KSR1: variants seen among roughly 807,000 people sequenced by gnomAD.
KSR1 encodes kinase suppressor of ras 1.
A neutral mutation model predicts 92.9 loss-of-function variants in KSR1; 35 were observed. The ratio of observed to expected loss-of-function variants is 0.38; its 90% CI spans 0.29 to 0.50. KSR1 has a LOEUF of 0.50. Ranked by LOEUF, KSR1 falls within the 20% of genes least tolerant of loss-of-function variation. The pLI is 0.94. For synonymous variants in KSR1, 467 were observed against 472.6 expected, an observed-to-expected ratio of 0.99 and a Z score of 0.15; for missense variants, 972 against 1,158.5, an observed-to-expected ratio of 0.84 and a Z score of 2.34.
At chr17:27,575,123 G>C (rs967883163) in intron 2 of KSR1, among the ~76,000 whole-genome samples, 1 of 152,218 alleles carries the variant, frequency 6.6e-6, no homozygotes, top group Non-Finnish European at 1.5e-5. Context: ...AGAATCCTGG[G>C]TGAGTCCACA....
At chr17:27,461,032 C>T (rs55870921) in intron 1 of KSR1, among the ~76,000 whole-genome samples, 36,194 of 152,098 alleles carry the variant, frequency 0.24, 5,503 homozygotes, top group East Asian at 0.63. Flanking sequence ...CCACTGAACC[C>T]TTGGCCCATC....
chr17:27,507,990 C>T (rs2069457749), intron 1 of KSR1, among the ~76,000 whole-genome samples: 1 of 152,174 alleles, frequency 6.6e-6, no homozygotes, highest in African/African-American at 2.4e-5. Flanking sequence ...GCTATCTTGG[C>T]TTCAGAGGGG....
chr17:27,531,734 C>CTCAG, intron 1 of KSR1, among the ~76,000 whole-genome samples: 1 of 152,232 alleles, frequency 6.6e-6, no homozygotes, highest in East Asian at 1.9e-4. Flanking sequence ...GCACTCAAGG[C>CTCAG]TCAGGTTTGG....
rs771694115 is a variant in KSR1 at position 27,550,626 on chromosome 17, G to T, written c.290G>T (p.Gly97Val). Residue 97 changes from glycine to valine, a missense_variant, in exon 2 of 21, where the codon GGT becomes GTT. By Grantham distance (109) the Gly-to-Val change is moderately radical. Around this residue, in one of 5 missense-constraint regions of KSR1, gnomAD observed 611 missense variants for 668.0 expected, o/e 0.91. Transcript: ENST00000644974. The stretch of plus-strand genomic sequence containing the variant: ...CAGTGCAAGCTGAGCGTGGCTCCCG[G>T]TGAGAGGACCCCAGAGCTCAACAGC... ...QRQCKLSVAPGERTPELNSYP... is the reference protein window; with the variant it reads ...QRQCKLSVAPVERTPELNSYP... 1.3e-6 allele frequency: 1 copy of T among 764,698 alleles called. No individual in the cohort carries two copies. The highest frequency in any genetic ancestry group is 2.4e-6 in the Non-Finnish European group (1 of 417,894). The allele number at this position is 764,698 out of a possible 1,614,324, so 47.4% of individuals were successfully genotyped here.
At chr17:27,571,783 G>A (rs1433770062) in intron 2 of KSR1, among the ~76,000 whole-genome samples, 1 of 152,256 alleles carries the variant, frequency 6.6e-6, no homozygotes, top group African/African-American at 2.4e-5. Flanking sequence ...TGCGTGAAGT[G>A]CAGTGTGTTT....
rs567474225 is a variant in KSR1 at position 27,608,403 on chromosome 17, G to A, written c.2091+393G>A. ...TGGATTGGTGTGAGGTTAAAAACGC[G>A]ATAATCCATGCTGTGGGGTACACAG... On this transcript the variant is annotated intron_variant, in intron 15 of 20. Transcript: ENST00000644974. Among the ~76,000 whole-genome samples, 16 of 152,260 alleles carry A rather than the reference G, an allele frequency of 1.1e-4. No individual in the cohort carries two copies. In the South Asian group the frequency reaches 1.7e-3, roughly 16 times the overall value.
chr17:27,491,304 G>GGTGTGTGT (rs60738939), intron 1 of KSR1, among the ~76,000 whole-genome samples: 2 of 110,066 alleles, frequency 1.8e-5, no homozygotes, highest in African/African-American at 3.8e-5. Context: ...TTTTGTTAGT[G>GGTGTGTGT]GTGTGTGTGT....
chr17:27,523,528 G>A (rs2070128719), intron 1 of KSR1, among the ~76,000 whole-genome samples: 1 of 152,230 alleles, frequency 6.6e-6, no homozygotes, highest in South Asian at 2.1e-4. Context: ...GATAGTGAAT[G>A]TTGATGTTAT....
chr17:27,519,425 A>G (rs904531303), intron 1 of KSR1, among the ~76,000 whole-genome samples: 2 of 152,134 alleles, frequency 1.3e-5, no homozygotes, highest in Non-Finnish European at 2.9e-5. Flanking sequence ...TCCTCCCCAC[A>G]CCCGTGTTAC....
At chr17:27,599,907 C>T (rs2073487501) in intron 10 of KSR1, among the ~76,000 whole-genome samples, 1 of 151,806 alleles carries the variant, frequency 6.6e-6, no homozygotes, top group Non-Finnish European at 1.5e-5. Flanking sequence ...AACTAAGACA[C>T]ACACGCTAGC....
Position 27,604,723 on chromosome 17 carries a change from G to A in KSR1, c.1609G>A (p.Ala537Thr), listed in dbSNP as rs778055196. 5 of 1,613,922 alleles carry A rather than the reference G, an allele frequency of 3.1e-6. No homozygotes were observed. In the African/African-American group the frequency reaches 4.0e-5, roughly 13 times the overall value. ...AGCAGATGTGTTGGAAGCTCACGAA[G>A]CGGAGGTGAGGGTGACACACACGTG... ...PKADVLEAHE[A>T]EAEEPEAGKS... The change falls in exon 13 of 21, where the codon GCG becomes ACG. Residue 537 changes from alanine to threonine, a missense_variant. Ala to Thr is a moderately conservative substitution (Grantham distance 58). Transcript: ENST00000644974.
chr17:27,492,340 C>G (rs1247829325), intron 1 of KSR1, among the ~76,000 whole-genome samples: 1 of 152,190 alleles, frequency 6.6e-6, no homozygotes, highest in Non-Finnish European at 1.5e-5. Flanking sequence ...CTCCTCAACT[C>G]ACCTTTGCAG....
chr17:27,542,309 G>A (rs1317904671), intron 1 of KSR1, among the ~76,000 whole-genome samples: 2 of 152,192 alleles, frequency 1.3e-5, no homozygotes, highest in East Asian at 3.9e-4. Flanking sequence ...GGAAACTGGT[G>A]TCCATGTTAG....
chr17:27,593,336 C>T (rs1211847831), intron 9 of KSR1, among the ~76,000 whole-genome samples: 7 of 152,240 alleles, frequency 4.6e-5, no homozygotes. Context: ...CAGCAGCTCC[C>T]ATCCTGGCTG....
chr17:27,608,958 A>G (rs2073840747), intron 15 of KSR1, among the ~76,000 whole-genome samples: 1 of 152,202 alleles, frequency 6.6e-6, no homozygotes, highest in Non-Finnish European at 1.5e-5. Context: ...AAGCATGGTA[A>G]CATTAAAAGA....
In KSR1 at chr17:27,588,586, CAGA is replaced by C. The variant is rs1174683016; in HGVS notation, c.1046+52_1046+54del. The C allele has an allele frequency of 2.7e-6, 4 of 1,483,936 alleles. No homozygotes were observed. The East Asian group carries it at 9.7e-5, about 36-fold the overall frequency. The allele number at this position is 1,483,936 out of a possible 1,614,324, so 91.9% of individuals were successfully genotyped here. The stretch of plus-strand genomic sequence containing the variant: ...AGCAGGGCACAGCCGGGCTGGTACC[CAGA>C]TGGGGCCAGGAGTTCTGGTCACTGT... On this transcript the variant is annotated intron_variant, in intron 6 of 20. Transcript: ENST00000644974.
intron 1 of KSR1, among the ~76,000 whole-genome samples, chr17:27,471,023 C>G (rs969285748): frequency 1.3e-5 from 2 of 152,068 alleles, no homozygotes; most frequent in Non-Finnish European, 2.9e-5. Flanking sequence ...GGCACGCACA[C>G]TACACCCAGC....
At chr17:27,590,708 A>T (rs2073134928) in intron 6 of KSR1, 103 bp from the exon 7 acceptor site, 5 of 1,059,702 alleles carry the variant, frequency 4.7e-6, no homozygotes, top group African/African-American at 3.1e-5. Context: ...TCTGGGATGG[A>T]GCCAAGACTC....
chr17:27,462,856 T>C (rs1011514871), intron 1 of KSR1, among the ~76,000 whole-genome samples: 1 of 152,268 alleles, frequency 6.6e-6, no homozygotes, highest in Non-Finnish European at 1.5e-5. Context: ...TGTATATTTG[T>C]GGCACATACC....
Sources: gnomAD v4.1 joint callset for allele counts (sites outside exome capture counted in the v4.1 genomes callset) on GRCh38, gnomAD v4.1.1 for gene constraint, gnomAD v4.1.1 regional missense constraint, MANE v1.5 for transcripts, NCBI Gene and HGNC (gene_info 2026-07-23, HGNC 2026-07-21) for gene names.